STMN3: variants seen among roughly 807,000 people sequenced by gnomAD.
STMN3 encodes the protein stathmin-3.
In STMN3, 24 loss-of-function variants were observed where a neutral mutation model predicts 23.2. That is an observed-to-expected ratio of 1.03 (90% CI 0.75 to 1.45). The LOEUF is 1.45. Ranked by LOEUF, STMN3 falls within the 40% of genes most tolerant of loss-of-function variation. The pLI, the probability that STMN3 is intolerant of heterozygous loss-of-function variation, is 0.00. For synonymous variants in STMN3, 117 were observed against 103.4 expected, an observed-to-expected ratio of 1.13 and a Z score of -0.80; for missense variants, 235 against 237.6, an observed-to-expected ratio of 0.99 and a Z score of 0.07.
Position 63,642,298 on chromosome 20 carries a change from G to A in STMN3, c.293C>T (p.Thr98Met), listed in dbSNP as rs2089775432. ...CTGCTTCAGCACCTGCGCCTCCTGC[G>A]TCTGTGCGGGGCCGGCGGGCGCGCG... ...RLEAAEERRKTQEAQVLKQLA... is the reference protein window; with the variant it reads ...RLEAAEERRKMQEAQVLKQLA... The change falls in exon 4 of 5, where the codon ACG becomes ATG. Residue 98 changes from threonine to methionine, a missense_variant and splice_region_variant. Physicochemically the swap from Thr to Met is moderately conservative, Grantham distance 81. Coordinates refer to ENST00000370053, the MANE Select transcript of STMN3 (RefSeq NM_015894.4). 1.3e-6 allele frequency: 2 copies of A among 1,519,930 alleles called. No individual in the cohort carries two copies. Among genetic ancestry groups the A allele is most frequent in the Non-Finnish European group, 1.8e-6 (2 of 1,133,732 alleles). 94.2% of individuals were successfully genotyped at this position (1,519,930 alleles called of 1,614,324 possible).
At chr20:63,647,991 T>TATATATATATATATATACACAC (rs1288050001) in intron 1 of STMN3, among the ~76,000 whole-genome samples, 1 of 75,892 alleles carries the variant, frequency 1.3e-5, no homozygotes, top group African/African-American at 4.9e-5. Flanking sequence ...CATATATATA[T>TATATATATATATATATACACAC]ACAGAGAGAG....
rs900306603 is a variant in STMN3, at chr20:63,653,199, A to G, written c.19+128T>C. The G allele has an allele frequency of 5.6e-6, 7 of 1,243,812 alleles. No individual in the cohort carries two copies. The East Asian group carries it at 1.9e-4, about 34-fold the overall frequency. 77.0% of individuals were successfully genotyped at this position (1,243,812 alleles called of 1,614,324 possible). On this transcript the variant is annotated intron_variant, in intron 1 of 4. Coordinates refer to ENST00000370053, the MANE Select transcript of STMN3 (RefSeq NM_015894.4). ...CCCCAGCCTCGGGCGGGTCGGGCCC[A>G]GGCTTGCAACGCGCAGGGTAGGAGA...
chr20:63,653,272 C>G lies in STMN3; in HGVS notation c.19+55G>C, dbSNP rs150367473. The stretch of plus-strand genomic sequence containing the variant: ...GGCCGCTGCCCCAGGCGAGGCCAGA[C>G]GAGGCCTCTGCTCAGATCCCGCCGC... On this transcript the variant is annotated intron_variant, in intron 1 of 4. Coordinates refer to ENST00000370053, the MANE Select transcript of STMN3 (RefSeq NM_015894.4). 3.3e-5 allele frequency: 50 copies of G among 1,533,212 alleles called. No individual in the cohort carries two copies. In the African/African-American group the frequency reaches 6.2e-4, roughly 19 times the overall value. The allele number at this position is 1,533,212 out of a possible 1,614,324, so 95.0% of individuals were successfully genotyped here.
chr20:63,642,664 G>C (rs1469496945), intron 3 of STMN3, among the ~76,000 whole-genome samples: 4 of 152,216 alleles, frequency 2.6e-5, no homozygotes, highest in Non-Finnish European at 5.9e-5. Context: ...AAACTTGTGG[G>C]CGGTCTCTGA....
In STMN3 at chr20:63,641,295, G is replaced by C; in HGVS notation, c.*43C>G. 6.5e-7 allele frequency: 1 copy of C among 1,543,828 alleles called. No homozygotes were observed. The highest frequency in any genetic ancestry group is 8.8e-7 in the Non-Finnish European group (1 of 1,141,364). ...GGTGAACGAAACAAAACCAAAACCC[G>C]AACGTGTTCTGTCGCAGGATGGGCG... On this transcript the variant is annotated 3_prime_UTR_variant, in exon 5 of 5. Transcript: ENST00000370053.
At chr20:63,651,861 C>T (rs961067234) in intron 1 of STMN3, among the ~76,000 whole-genome samples, 6 of 152,134 alleles carry the variant, frequency 3.9e-5, no homozygotes, top group Non-Finnish European at 7.4e-5. Context: ...GCCCAGATGC[C>T]GAGATGCCCT....
chr20:63,641,335 C>G lies in STMN3; in HGVS notation c.*3G>C, dbSNP rs201542437. 1,935 of 1,563,198 alleles carry G rather than the reference C, an allele frequency of 1.2e-3. 22 individuals are homozygous for G. The African/African-American group carries it at 0.024, about 19-fold the overall frequency. On this transcript the variant is annotated 3_prime_UTR_variant, in exon 5 of 5. Coordinates refer to ENST00000370053, the MANE Select transcript of STMN3 (RefSeq NM_015894.4). Reference sequence around the variant, plus strand: ...CAGGATGGGCGCCGCCCGTCCCGGGCCCTTAGCCCGACATCTCTTCTCGCT... The same window carrying G: ...CAGGATGGGCGCCGCCCGTCCCGGGGCCTTAGCCCGACATCTCTTCTCGCT...
chr20:63,649,600 G>C (rs954135277), intron 1 of STMN3, among the ~76,000 whole-genome samples: 1 of 151,920 alleles, frequency 6.6e-6, no homozygotes, highest in African/African-American at 2.4e-5. Context: ...GTACAATCTC[G>C]GCTCACGGCA....
At chr20:63,647,688 T>TAC (rs2089820888) in intron 1 of STMN3, among the ~76,000 whole-genome samples, 1 of 47,148 alleles carries the variant, frequency 2.1e-5, no homozygotes, top group African/African-American at 5.0e-5. Flanking sequence ...TATATACACG[T>TAC]GTATATATAT....
At chr20:63,647,663 ATATATATATACGTATATATACACGTG>A (rs2089820056) in intron 1 of STMN3, among the ~76,000 whole-genome samples, 1 of 125,392 alleles carries the variant, frequency 8.0e-6, no homozygotes. Flanking sequence ...TATATATATA[ATATATATATACGTATATATACACGTG>A]TATATATATA....
At chr20:63,641,557 G>T (rs940445894) in intron 4 of STMN3, among the ~76,000 whole-genome samples, 160 bp from the exon 5 acceptor site, 1 of 152,160 alleles carries the variant, frequency 6.6e-6, no homozygotes, top group Admixed American at 6.5e-5. Context: ...GGAGCACCGG[G>T]GAGGCGCAGA....
In STMN3 at chr20:63,646,474, C is replaced by A. The variant is rs531239532; in HGVS notation, c.20-2165G>T. ...GGTTCACACCATTCTCCTGCCTCAG[C>A]CTCCCGAGTAGCTGGGACCACAGGC... On this transcript the variant is annotated intron_variant, in intron 1 of 4. Coordinates refer to ENST00000370053, the MANE Select transcript of STMN3 (RefSeq NM_015894.4). Among the ~76,000 whole-genome samples the A allele has an allele frequency of 1.6e-4, 24 of 152,154 alleles. No individual in the cohort carries two copies. In the South Asian group the frequency reaches 5.0e-3, roughly 32 times the overall value.
chr20:63,644,412 C>G (rs1050633705), intron 1 of STMN3, 103 bp from the exon 2 acceptor site: 5 of 841,208 alleles, frequency 5.9e-6, no homozygotes, highest in Non-Finnish European at 9.6e-6. Context: ...CTGTGAGACA[C>G]GGAGCTGCCC....
intron 1 of STMN3, 72 bp from the exon 2 acceptor site, chr20:63,644,381 A>C: frequency 3.4e-6 from 4 of 1,165,580 alleles, no homozygotes; most frequent in Non-Finnish European, 5.0e-6. Context: ...TTCCCTCCCC[A>C]TGGCTGCCTC....
intron 1 of STMN3, among the ~76,000 whole-genome samples, chr20:63,650,544 G>A (rs1220087385): frequency 8.7e-6 from 1 of 115,260 alleles, no homozygotes; most frequent in African/African-American, 3.5e-5. Flanking sequence ...CACACCTCAC[G>A]CCCACCCCTC....
chr20:63,645,794 A>G (rs929339366), intron 1 of STMN3, among the ~76,000 whole-genome samples: 2 of 152,114 alleles, frequency 1.3e-5, no homozygotes, highest in East Asian at 3.8e-4. Flanking sequence ...CTCTACTAAA[A>G]ATATAAAAAT....
At chr20:63,645,782 A>G (rs1038136611) in intron 1 of STMN3, among the ~76,000 whole-genome samples, 288 of 151,918 alleles carry the variant, frequency 1.9e-3, no homozygotes, top group African/African-American at 6.8e-3. Flanking sequence ...GTGAAACCCG[A>G]TCTCTACTAA....
intron 3 of STMN3, among the ~76,000 whole-genome samples, chr20:63,643,246 G>A (rs1342776289): frequency 6.6e-6 from 1 of 152,084 alleles, no homozygotes; most frequent in Non-Finnish European, 1.5e-5. Flanking sequence ...TGGCCGCCTC[G>A]GAACCCTTCC....
At chr20:63,642,982 T>C (rs1264787921) in intron 3 of STMN3, among the ~76,000 whole-genome samples, 1 of 152,010 alleles carries the variant, frequency 6.6e-6, no homozygotes, top group Non-Finnish European at 1.5e-5. Flanking sequence ...TCTGTTTCAG[T>C]CTCAGAGGGG....
Sources: allele counts gnomAD v4.1 joint callset (sites outside exome capture counted in the v4.1 genomes callset), GRCh38; gene constraint gnomAD v4.1.1; transcripts MANE v1.5; gene names NCBI Gene and HGNC (gene_info 2026-07-23, HGNC 2026-07-21).